Variants in LRP2 observed in about 807,000 individuals in gnomAD.
LRP2 encodes LDL receptor related protein 2.
A neutral mutation model predicts 531.0 loss-of-function variants in LRP2; 172 were observed. The observed-to-expected ratio is 0.32, with a 90% CI of 0.29 to 0.37. The LOEUF (loss-of-function observed/expected upper bound fraction) is 0.37, where lower values mean the gene tolerates loss of function less well. Among genes scored for constraint, LRP2 ranks in the 10% least tolerant of loss-of-function variants. The pLI is 1.00. For synonymous variants in LRP2, 1,992 were observed against 2,027.6 expected (o/e 0.98, Z 0.47); for missense variants, 5,167 against 5,868.3 (o/e 0.88, Z 3.90).
chr2:169,205,839 T>A (rs2105331797), intron 40 of LRP2, among the ~76,000 whole-genome samples, 184 bp downstream of exon 40: 1 of 152,282 alleles, frequency 6.6e-6, no homozygotes, highest in South Asian at 2.1e-4. Flanking sequence ...CTTTCTGCCA[T>A]CAAAGGGAGC....
At chr2:169,348,186 G>A (rs1053183734) in intron 1 of LRP2, among the ~76,000 whole-genome samples, 2 of 152,182 alleles carry the variant, frequency 1.3e-5, no homozygotes, top group Non-Finnish European at 1.5e-5. Flanking sequence ...GGTATAGAAA[G>A]CACTCAAATA....
At chr2:169,267,035 A>C (rs974640398) in intron 16 of LRP2, among the ~76,000 whole-genome samples, 4 of 151,664 alleles carry the variant, frequency 2.6e-5, no homozygotes, top group African/African-American at 9.7e-5. Context: ...CTACAGGTAC[A>C]TGCCACCACA....
rs146783211 is a variant in LRP2, at chr2:169,185,985, G to A, written c.9363C>T (p.Gly3121=). The A allele has an allele frequency of 4.8e-4, 767 of 1,613,852 alleles. No homozygotes were observed. Among genetic ancestry groups the A allele is most frequent in the Non-Finnish European group, 5.8e-4 (685 of 1,179,926 alleles). Residue 3121 remains glycine (G), a synonymous_variant, in exon 50 of 79, where the codon GGC becomes GGT. Transcript: ENST00000649046. ...INECHDPSIS[G]CDHNCTDTLT... ...AGGTGTCTGTGCAGTTGTGATCGCA[G>A]CCACTGATTGAAGGGTCATGGCATT...
intron 68 of LRP2, among the ~76,000 whole-genome samples, chr2:169,149,422 G>A (rs757861412): frequency 3.3e-5 from 5 of 152,166 alleles, no homozygotes; most frequent in Non-Finnish European, 7.3e-5. Context: ...GAAATGAGGA[G>A]GTTGTAGGTC....
At chr2:169,157,794 C>A (rs1686388603) in intron 63 of LRP2, among the ~76,000 whole-genome samples, 1 of 151,998 alleles carries the variant, frequency 6.6e-6, no homozygotes, top group Admixed American at 6.6e-5. Flanking sequence ...GACTGCACAA[C>A]TATGAAGCCT....
intron 57 of LRP2, 98 bp downstream of exon 57, chr2:169,172,998 A>G: frequency 2.0e-6 from 3 of 1,481,526 alleles, no homozygotes; most frequent in South Asian, 1.1e-5. Context: ...CAAAGAAAAG[A>G]TGACATGGGA....
rs903313119 is a variant in LRP2, at chr2:169,307,320, C to T, written c.388G>A (p.Val130Ile). 8 of 1,613,996 alleles carry T rather than the reference C, an allele frequency of 5.0e-6. No homozygotes were observed. Among genetic ancestry groups the T allele is most frequent in the Admixed American group, 3.3e-5 (2 of 60,022 alleles). Residue 130 changes from valine to isoleucine, a missense_variant, in exon 4 of 79, where the codon GTC becomes ATC. Around this residue, in one of 6 missense-constraint regions of LRP2, gnomAD observed 2,811 missense variants for 3,058.0 expected, o/e 0.92. Transcript: ENST00000649046. ...CIPSEYRCDH[V>I]RDCPDGADEN... ...TCAGCTCCATCGGGGCAGTCTCTGA[C>T]GTGGTCGCACCTGTATTCACTTGGG...
chr2:169,324,996 C>A (rs1685009562), intron 1 of LRP2, among the ~76,000 whole-genome samples: 1 of 148,874 alleles, frequency 6.7e-6, no homozygotes, highest in Admixed American at 6.7e-5. Flanking sequence ...CATCTTAAAT[C>A]CATAGAAAGA....
chr2:169,268,550 T>C (rs532648580), intron 16 of LRP2, among the ~76,000 whole-genome samples: 1 of 152,140 alleles, frequency 6.6e-6, no homozygotes, highest in Non-Finnish European at 1.5e-5. Context: ...TTTGACAAAA[T>C]TCAACAGCCC....
At chr2:169,147,380 C>T (rs145534868) in intron 68 of LRP2, among the ~76,000 whole-genome samples, 232 of 152,226 alleles carry the variant, frequency 1.5e-3, no homozygotes, top group African/African-American at 5.4e-3. Context: ...TGGAATGCAG[C>T]GACATAATCA....
At chr2:169,205,073 A>G (rs1194394323) in intron 41 of LRP2, among the ~76,000 whole-genome samples, 1 of 152,060 alleles carries the variant, frequency 6.6e-6, no homozygotes, top group Non-Finnish European at 1.5e-5. Context: ...TCTAAAAGAC[A>G]TTGAATGCTA....
intron 3 of LRP2, among the ~76,000 whole-genome samples, chr2:169,312,044 C>G (rs539016447): frequency 2.0e-5 from 3 of 152,016 alleles, no homozygotes; most frequent in East Asian, 3.9e-4. Context: ...TTTGTGTTTT[C>G]CATTTGCTTG....
intron 16 of LRP2, among the ~76,000 whole-genome samples, chr2:169,267,220 A>T (rs1364629967): frequency 1.3e-5 from 2 of 152,158 alleles, no homozygotes; most frequent in South Asian, 4.1e-4. Flanking sequence ...CAATAAATTT[A>T]TTTTCTCAAT....
intron 58 of LRP2, 105 bp downstream of exon 58, chr2:169,171,910 A>T (rs1485810930): frequency 7.2e-7 from 1 of 1,388,944 alleles, no homozygotes; most frequent in Non-Finnish European, 1.0e-6. Context: ...GCTTGATATC[A>T]TCCTACCCAT....
chr2:169,346,341 C>A (rs962584726), intron 1 of LRP2, among the ~76,000 whole-genome samples: 4 of 152,060 alleles, frequency 2.6e-5, no homozygotes, highest in Non-Finnish European at 5.9e-5. Context: ...AGAATCTTAG[C>A]TTTCAATGAT....
intron 71 of LRP2, among the ~76,000 whole-genome samples, chr2:169,141,898 A>G (rs893021199): frequency 6.6e-6 from 1 of 152,038 alleles, no homozygotes; most frequent in Non-Finnish European, 1.5e-5. Context: ...AAACCTGCCA[A>G]CTCCTCAGCC....
At chr2:169,299,910 A>G (rs1009598776) in intron 4 of LRP2, among the ~76,000 whole-genome samples, 1 of 152,118 alleles carries the variant, frequency 6.6e-6, no homozygotes, top group Non-Finnish European at 1.5e-5. Flanking sequence ...AAATAATTTG[A>G]ATACTCATCA....
chr2:169,355,271 T>C (rs946871270), intron 1 of LRP2, among the ~76,000 whole-genome samples: 2 of 152,232 alleles, frequency 1.3e-5, no homozygotes, highest in African/African-American at 4.8e-5. Flanking sequence ...TTCAATTCTG[T>C]AAGTTACCCC....
In LRP2 at chr2:169,283,009, A is replaced by G. The variant is rs1683747686; in HGVS notation, c.1043-8T>C. ...TCTGGCAATCATCAAACTCTGCCAT[A>G]TGGAAAATACACATTTGTAGTCAAG... On this transcript the variant is annotated splice_polypyrimidine_tract_variant and splice_region_variant and intron_variant, in intron 9 of 78. Transcript: ENST00000649046. The G allele has an allele frequency of 1.2e-6, 2 of 1,613,916 alleles. No individual in the cohort carries two copies. The highest frequency in any genetic ancestry group is 8.5e-7 in the Non-Finnish European group (1 of 1,179,864).
Sources: allele counts gnomAD v4.1 joint callset (sites outside exome capture counted in the v4.1 genomes callset), GRCh38; gene constraint gnomAD v4.1.1; regional missense constraint gnomAD v4.1.1; transcripts MANE v1.5; gene names NCBI Gene and HGNC (gene_info 2026-07-23, HGNC 2026-07-21).